Variants in ABTB2 observed in about 807,000 individuals in gnomAD.
ABTB2 encodes the protein ankyrin repeat and BTB/POZ domain-containing protein 2.
Under a neutral mutation model 104.1 loss-of-function variants are expected in ABTB2, and 56 were observed. The observed-to-expected ratio is 0.54, with a 90% CI of 0.43 to 0.67. The LOEUF is 0.67. Among genes scored for constraint, ABTB2 ranks in the 30% least tolerant of loss-of-function variants. The pLI, the probability that ABTB2 is intolerant of heterozygous loss-of-function variation, is 0.00. For missense variants in ABTB2, 1,279 were observed against 1,407.7 expected (o/e 0.91, Z 1.46); for synonymous variants, 606 against 608.2 (o/e 1.00, Z 0.05).
At chr11:34,327,356 AT>A (rs1464346299) in intron 1 of ABTB2, among the ~76,000 whole-genome samples, 1 of 152,204 alleles carries the variant, frequency 6.6e-6, no homozygotes, top group Admixed American at 6.5e-5. Context: ...AGAAGATGAT[AT>A]TTCTAGGGGA....
At chr11:34,285,712 A>G (rs1186248078) in intron 1 of ABTB2, among the ~76,000 whole-genome samples, 2 of 152,146 alleles carry the variant, frequency 1.3e-5, no homozygotes, top group Non-Finnish European at 2.9e-5. Flanking sequence ...GCGCTCTCCA[A>G]CCACTCTCCC....
intron 5 of ABTB2, among the ~76,000 whole-genome samples, chr11:34,170,635 C>T (rs564834214): frequency 2.0e-5 from 3 of 152,346 alleles, no homozygotes; most frequent in African/African-American, 7.2e-5. Flanking sequence ...CTCCCAGACT[C>T]GTTCCTAGCC....
At chr11:34,215,167 G>C (rs1853535876) in intron 1 of ABTB2, among the ~76,000 whole-genome samples, 1 of 152,198 alleles carries the variant, frequency 6.6e-6, no homozygotes, top group African/African-American at 2.4e-5. Context: ...ACCACTGGTG[G>C]GATGCTGCCA....
intron 1 of ABTB2, among the ~76,000 whole-genome samples, chr11:34,343,029 G>T (rs895447947): frequency 1.3e-5 from 2 of 151,960 alleles, no homozygotes; most frequent in African/African-American, 2.4e-5. Flanking sequence ...GAGGGCAGTG[G>T]TGCGATCTTG....
intron 1 of ABTB2, among the ~76,000 whole-genome samples, chr11:34,264,663 C>T (rs1854227164): frequency 6.6e-6 from 1 of 152,224 alleles, no homozygotes; most frequent in Non-Finnish European, 1.5e-5. Flanking sequence ...AACTACAATG[C>T]TCTCCCTGTT....
Position 34,356,754 on chromosome 11 carries a change from A to T in ABTB2, c.830T>A (p.Leu277His), listed in dbSNP as rs1385207288. ...LEMVINNDAE[L>H]WGVLQPYEHL... is the part of the protein sequence containing the mutation. ...CTCATAGGGCTGCAAGACGCCCCAG[A>T]GCTCGGCGTCGTTGTTGATGACCAT... The change falls in exon 1 of 17, where the codon CTC becomes CAC. Residue 277 changes from leucine to histidine, a missense_variant. By Grantham distance (99) the Leu-to-His change is moderately conservative (BLOSUM62 -3). Transcript: ENST00000435224. The surrounding 1 kb of genome is among the most constrained non-coding windows in gnomAD (Gnocchi z 4.6). 1 of 1,611,482 alleles carries T rather than the reference A, an allele frequency of 6.2e-7. No individual in the cohort carries two copies. The highest frequency in any genetic ancestry group is 2.2e-5 in the East Asian group (1 of 44,838).
intron 1 of ABTB2, among the ~76,000 whole-genome samples, chr11:34,319,243 G>A (rs146467576): frequency 3.3e-5 from 5 of 152,282 alleles, no homozygotes; most frequent in African/African-American, 9.6e-5. Flanking sequence ...CAACCCCACC[G>A]ACTTCAGATG....
At chr11:34,343,331 A>G (rs949705745) in intron 1 of ABTB2, among the ~76,000 whole-genome samples, 7 of 152,184 alleles carry the variant, frequency 4.6e-5, no homozygotes, top group Non-Finnish European at 1.0e-4. Flanking sequence ...TACCACTAAT[A>G]ATAGTTAATG....
At chr11:34,329,537 A>T (rs1197273684) in intron 1 of ABTB2, among the ~76,000 whole-genome samples, 1 of 152,242 alleles carries the variant, frequency 6.6e-6, no homozygotes, top group African/African-American at 2.4e-5. Flanking sequence ...TGGTTCAATG[A>T]TGGGGCACAT....
chr11:34,249,989 C>G (rs1430059396), intron 1 of ABTB2, among the ~76,000 whole-genome samples: 1 of 152,110 alleles, frequency 6.6e-6, no homozygotes, highest in Admixed American at 6.5e-5. Context: ...TAAAAGCATC[C>G]CTGGGGATCT....
chr11:34,213,424 G>C (rs1853508140), intron 1 of ABTB2, among the ~76,000 whole-genome samples: 1 of 152,192 alleles, frequency 6.6e-6, no homozygotes, highest in African/African-American at 2.4e-5. Flanking sequence ...AGGTTGCAGT[G>C]AGCCGAGATC....
At chr11:34,347,977 C>T (rs569575861) in intron 1 of ABTB2, among the ~76,000 whole-genome samples, 8 of 152,316 alleles carry the variant, frequency 5.3e-5, no homozygotes, top group Middle Eastern at 3.4e-3. Flanking sequence ...CCAATGGCCT[C>T]GTTTAACACA....
chr11:34,214,836 T>A (rs1158371213), intron 1 of ABTB2, among the ~76,000 whole-genome samples: 6 of 152,196 alleles, frequency 3.9e-5, no homozygotes, highest in African/African-American at 1.4e-4. Context: ...TATTATGAGC[T>A]CATGGAGGTT....
chr11:34,158,613 C>A (rs1565126673), intron 14 of ABTB2, among the ~76,000 whole-genome samples: 1 of 152,226 alleles, frequency 6.6e-6, no homozygotes, highest in Non-Finnish European at 1.5e-5. Context: ...AGCCTGGAGA[C>A]CTGCAGTTGC....
At chr11:34,192,455 T>C (rs946875026) in intron 3 of ABTB2, among the ~76,000 whole-genome samples, 1 of 152,202 alleles carries the variant, frequency 6.6e-6, no homozygotes, top group African/African-American at 2.4e-5. Flanking sequence ...ATGGGGCTAT[T>C]CTGGCTGGCT....
chr11:34,264,720 C>G (rs1356609643), intron 1 of ABTB2, among the ~76,000 whole-genome samples: 3 of 152,200 alleles, frequency 2.0e-5, no homozygotes, highest in Non-Finnish European at 2.9e-5. Flanking sequence ...TTCAATCCCT[C>G]CTGGGACATT....
intron 1 of ABTB2, among the ~76,000 whole-genome samples, chr11:34,211,722 CA>C (rs1314704499): frequency 1.3e-5 from 2 of 151,494 alleles, no homozygotes; most frequent in Non-Finnish European, 2.9e-5. Flanking sequence ...GGTGAAAATA[CA>C]AAAATTACTA....
At position 34,162,589 on chromosome 11, in the gene ABTB2, CT is replaced by C; in HGVS notation, c.2204del (p.Glu735GlyfsTer2). The C allele has an allele frequency of 6.2e-7, 1 of 1,613,564 alleles. No homozygotes were observed. The highest frequency in any genetic ancestry group is 1.3e-5 in the African/African-American group (1 of 75,064). On this transcript the variant is annotated frameshift_variant, in exon 10 of 17. Transcript: ENST00000435224. LOFTEE classifies it high-confidence loss of function. ...AEHGYVDITMELRALGVPWKL... is the reference protein window; with the variant it reads ...AEHGYVDITMXLRALGVPWKL... The stretch of plus-strand genomic sequence containing the variant: ...GTGAGGCCTCACCCAGTGCCCTCAG[CT>C]CCATGGTGATGTCCACGTAGCCGTG...
chr11:34,164,705 A>C lies in ABTB2; in HGVS notation c.1969T>G (p.Ser657Ala). 6.6e-7 allele frequency: 1 copy of C among 1,524,570 alleles called. No homozygotes were observed. Among genetic ancestry groups the C allele is most frequent in the Non-Finnish European group, 8.7e-7 (1 of 1,144,938 alleles). 94.4% of individuals were successfully genotyped at this position (1,524,570 alleles called of 1,614,324 possible). Residue 657 changes from serine (S) to alanine (A), a missense_variant, in exon 9 of 17, where the codon TCA becomes GCA. Coordinates refer to ENST00000435224, the MANE Select transcript of ABTB2 (RefSeq NM_145804.3). ...AGGTACCTGTGGCCGTGGGCAGCTG[A>C]GTGGCTGAAGCAGTTCATGTCCTCG... The part of the protein sequence containing the change: ...LHEDMNCFSH[S>A]AAHGHRNVLR...
Sources: allele counts gnomAD v4.1 joint callset (sites outside exome capture counted in the v4.1 genomes callset), GRCh38; gene constraint gnomAD v4.1.1; non-coding constraint Gnocchi (gnomAD v3.1); transcripts MANE v1.5; gene names NCBI Gene and HGNC (gene_info 2026-07-23, HGNC 2026-07-21).